PECAM1: variants seen among roughly 807,000 people sequenced by gnomAD.
PECAM1 encodes the protein platelet and endothelial cell adhesion molecule 1, also known as platelet endothelial cell adhesion molecule.
In PECAM1, 8 loss-of-function variants were observed where a neutral mutation model predicts 13.8. The ratio of observed to expected loss-of-function variants is 0.58; its 90% CI spans 0.34 to 1.05. The LOEUF (loss-of-function observed/expected upper bound fraction) is 1.05. Ranked by LOEUF, PECAM1 falls within the 50% of genes least tolerant of loss-of-function variation. The probability of loss-of-function intolerance (pLI) is 0.03; values close to 1 mark genes in which losing one functional copy is unlikely to be tolerated. For synonymous variants in PECAM1, 136 were observed against 52.6 expected, an observed-to-expected ratio of 2.58 and a Z score of -6.86; for missense variants, 304 against 141.2, an observed-to-expected ratio of 2.15 and a Z score of -5.84.
At position 64,323,145 on chromosome 17, in the gene PECAM1, C is replaced by T. The variant is rs2034848258; in HGVS notation, c.*671G>A. On this transcript the variant is annotated 3_prime_UTR_variant, in exon 16 of 16. Transcript: ENST00000563924. Reference sequence around the variant, plus strand: ...TAGAGGAAAAGAGAAAGAGTGTAGACAAAAACAGTTGAAGAACATCTGTGC... The same window carrying T: ...TAGAGGAAAAGAGAAAGAGTGTAGATAAAAACAGTTGAAGAACATCTGTGC... 1 of 985,234 alleles carries T rather than the reference C, an allele frequency of 1.0e-6. No homozygotes were observed. 61.0% of individuals were successfully genotyped at this position (985,234 alleles called of 1,614,324 possible).
chr17:64,356,342 C>T lies in PECAM1; in HGVS notation c.1549G>A (p.Glu517Lys), dbSNP rs2035845585. The change falls in exon 8 of 16, where the codon GAG becomes AAG. Residue 517 changes from glutamate to lysine, a missense_variant. Coordinates refer to ENST00000563924, the MANE Select transcript of PECAM1 (RefSeq NM_000442.5). ...ILSSKVVESGEDIVLQCAVNE... is the reference protein window; with the variant it reads ...ILSSKVVESGKDIVLQCAVNE... The stretch of plus-strand genomic sequence containing the variant: ...ACAGCACATTGCAGCACAATGTCCT[C>T]TCCAGACTCCACCACCTTACTTGAC... 2.1e-6 allele frequency: 1 copy of T among 473,830 alleles called. No individual in the cohort carries two copies. Among genetic ancestry groups the T allele is most frequent in the Non-Finnish European group, 3.9e-6 (1 of 258,562 alleles). The allele number at this position is 473,830 out of a possible 1,614,324, so 29.4% of individuals were successfully genotyped here.
chr17:64,346,439 C>T (rs906393632), intron 13 of PECAM1, among the ~76,000 whole-genome samples: 1 of 152,102 alleles, frequency 6.6e-6, no homozygotes, highest in Non-Finnish European at 1.5e-5. Flanking sequence ...CGGGTTCAAG[C>T]GATTCTTCTG....
chr17:64,363,908 C>T (rs2036043665), intron 5 of PECAM1, among the ~76,000 whole-genome samples: 2 of 152,024 alleles, frequency 1.3e-5, no homozygotes, highest in African/African-American at 2.4e-5. Context: ...TGCTCCACTG[C>T]ACTCCAGCCT....
Position 64,360,250 on chromosome 17 carries a change from G to A in PECAM1, c.1382C>T (p.Pro461Leu), listed in dbSNP as rs2035941778. The A allele has an allele frequency of 1.3e-5, 6 of 475,382 alleles. No homozygotes were observed. The highest frequency in any genetic ancestry group is 2.3e-5 in the Non-Finnish European group (6 of 259,054). The allele number at this position is 475,382 out of a possible 1,614,324, so 29.4% of individuals were successfully genotyped here. Reference sequence around the variant, plus strand: ...AGTGGGGTTGTCTTTGAATACCGCAGGATCATTTGAGTTCTTGGTACTATT... The same window carrying A: ...AGTGGGGTTGTCTTTGAATACCGCAAGATCATTTGAGTTCTTGGTACTATT... Reference protein sequence around the residue: ...LENSTKNSNDPAVFKDNPTED... With the variant: ...LENSTKNSNDLAVFKDNPTED... The change falls in exon 7 of 16, where the codon CCT becomes CTT. Residue 461 changes from proline to leucine, a missense_variant. Physicochemically the swap from Pro to Leu is moderately conservative, Grantham distance 98 (BLOSUM62 -3). Coordinates refer to ENST00000563924, the MANE Select transcript of PECAM1 (RefSeq NM_000442.5).
chr17:64,366,840 G>A (rs2036118348), intron 5 of PECAM1, among the ~76,000 whole-genome samples: 1 of 105,550 alleles, frequency 9.5e-6, no homozygotes, highest in Non-Finnish European at 1.8e-5. Context: ...GGGGGGAGGG[G>A]GGAGGGATAG....
At chr17:64,331,875 C>T (rs148456843) in intron 14 of PECAM1, among the ~76,000 whole-genome samples, 69 of 152,254 alleles carry the variant, frequency 4.5e-4, no homozygotes, top group African/African-American at 1.4e-3. Flanking sequence ...TTGCTGTTCT[C>T]GAAGGTGGTG....
chr17:64,363,584 T>C (rs1288992572), intron 5 of PECAM1, among the ~76,000 whole-genome samples, 187 bp from the exon 6 acceptor site: 2 of 152,320 alleles, frequency 1.3e-5, no homozygotes, highest in African/African-American at 2.4e-5. Flanking sequence ...ATTCTTTGCC[T>C]AGGATTCCAA....
At chr17:64,380,793 C>T (rs1339438880) in intron 2 of PECAM1, among the ~76,000 whole-genome samples, 7 of 152,058 alleles carry the variant, frequency 4.6e-5, no homozygotes, top group African/African-American at 1.7e-4. Flanking sequence ...TCGAGATCAG[C>T]CTGGCTAACA....
intron 2 of PECAM1, among the ~76,000 whole-genome samples, chr17:64,389,370 C>T (rs1318665347): frequency 6.6e-6 from 1 of 152,180 alleles, no homozygotes; most frequent in Admixed American, 6.5e-5. Context: ...GAACAAAACC[C>T]TCTCATCTCA....
At position 64,322,550 on chromosome 17, in the gene PECAM1, C is replaced by T. The variant is rs899794781; in HGVS notation, c.*1266G>A. ...TATTTAATACAACATCCACGAGGGT[C>T]CCTGCAGCTGTGTCACTGAGGCAAA... On this transcript the variant is annotated 3_prime_UTR_variant, in exon 16 of 16. Transcript: ENST00000563924. 60 of 985,244 alleles carry T rather than the reference C, an allele frequency of 6.1e-5. No homozygotes were observed. Among genetic ancestry groups the T allele is most frequent in the Non-Finnish European group, 1.6e-5 (13 of 829,948 alleles). The allele number at this position is 985,244 out of a possible 1,614,324, so 61.0% of individuals were successfully genotyped here.
chr17:64,362,054 C>T (rs2035995200), intron 6 of PECAM1, among the ~76,000 whole-genome samples: 2 of 152,122 alleles, frequency 1.3e-5, no homozygotes, highest in Non-Finnish European at 2.9e-5. Context: ...ATGAAAGGAT[C>T]GTGACTGAAT....
At chr17:64,383,218 C>T (rs1488583385) in intron 2 of PECAM1, among the ~76,000 whole-genome samples, 1 of 152,148 alleles carries the variant, frequency 6.6e-6, no homozygotes, top group Non-Finnish European at 1.5e-5. Flanking sequence ...GACCAGCAGA[C>T]AGTGCTGGGT....
chr17:64,322,867 C>T lies in PECAM1; in HGVS notation c.*949G>A, dbSNP rs971094283. On this transcript the variant is annotated 3_prime_UTR_variant, in exon 16 of 16. Transcript: ENST00000563924. ...AGTAGCTGATACTACAGGCATGCGC[C>T]ACCACGCCCGGCTAATTCTTGTATT... is the stretch of plus-strand genomic sequence containing the variant. 3 of 320,710 alleles carry T rather than the reference C, an allele frequency of 9.4e-6. No individual in the cohort carries two copies. The highest frequency in any genetic ancestry group is 2.5e-4 in the South Asian group (2 of 8,016). The allele number at this position is 320,710 out of a possible 1,614,324, so 19.9% of individuals were successfully genotyped here. A position where few individuals can be genotyped will look rare whatever the true frequency, so the allele number is the denominator to read the frequency against.
intron 12 of PECAM1, among the ~76,000 whole-genome samples, chr17:64,349,143 G>C (rs2035653033): frequency 6.6e-6 from 1 of 152,198 alleles, no homozygotes; most frequent in Admixed American, 6.5e-5. Flanking sequence ...AGAGTGTGAG[G>C]CATACACGTG....
rs1186206565 is a variant in PECAM1 at position 64,352,432 on chromosome 17, C to T, written c.1948G>A (p.Glu650Lys). Residue 650 changes from glutamate to lysine, a missense_variant, in exon 11 of 16, where the codon GAG (glutamate) becomes AAG (lysine). Transcript: ENST00000563924. ...TCCATATTGGGATCTGACATTTTCT[C>T]GTTGTTGGAGTTCAGAAGTGGTACT... is the stretch of plus-strand genomic sequence containing the variant. The part of the protein sequence containing the change: ...PAVPLLNSNN[E>K]KMSDPNMEAN... 4 of 475,030 alleles carry T rather than the reference C, an allele frequency of 8.4e-6. No homozygotes were observed. Among genetic ancestry groups the T allele is most frequent in the Middle Eastern group, 6.0e-4 (1 of 1,660 alleles). 29.4% of individuals were successfully genotyped at this position (475,030 alleles called of 1,614,324 possible). A position where few individuals can be genotyped will look rare whatever the true frequency, so the allele number is the denominator to read the frequency against.
intron 8 of PECAM1, 117 bp downstream of exon 8, chr17:64,355,994 C>T (rs2035837280): frequency 2.2e-6 from 1 of 458,394 alleles, no homozygotes; most frequent in Non-Finnish European, 3.9e-6. Context: ...ACATTACTCT[C>T]CTAGCCTTCA....
chr17:64,320,352 T>A lies in PECAM1; in HGVS notation c.*3464A>T, dbSNP rs536554237. ...AGGAGGACTAATTGGCTTCTAGGGC[T>A]GGAGGCCACTTGGGTCTGACAGACT... On this transcript the variant is annotated 3_prime_UTR_variant, in exon 16 of 16. Transcript: ENST00000563924. The A allele has an allele frequency of 6.6e-6, 1 of 152,476 alleles. No individual in the cohort carries two copies. Among genetic ancestry groups the A allele is most frequent in the South Asian group, 2.1e-4 (1 of 4,838 alleles). The allele number at this position is 152,476 out of a possible 1,614,324, so 9.4% of individuals were successfully genotyped here. A position where few individuals can be genotyped will look rare whatever the true frequency, so the allele number is the denominator to read the frequency against.
intron 14 of PECAM1, among the ~76,000 whole-genome samples, chr17:64,339,062 G>A (rs2035360504): frequency 6.6e-6 from 1 of 152,146 alleles, no homozygotes; most frequent in African/African-American, 2.4e-5. Flanking sequence ...TCCACACTAA[G>A]GTGCCCCTCA....
chr17:64,336,153 C>A (rs1306300346), intron 14 of PECAM1, among the ~76,000 whole-genome samples: 2 of 151,900 alleles, frequency 1.3e-5, no homozygotes, highest in African/African-American at 2.4e-5. Flanking sequence ...GTGGTCCCAG[C>A]TACTCAGGAG....
Sources: allele counts gnomAD v4.1 joint callset (sites outside exome capture counted in the v4.1 genomes callset), GRCh38; gene constraint gnomAD v4.1.1; transcripts MANE v1.5; gene names NCBI Gene and HGNC (gene_info 2026-07-23, HGNC 2026-07-21).